EEFSEC: variants seen among roughly 807,000 people sequenced by gnomAD.
EEFSEC encodes the protein eukaryotic elongation factor, selenocysteine-tRNA specific.
Under a neutral mutation model 42.1 loss-of-function variants are expected in EEFSEC, and 43 were observed. That is an observed-to-expected ratio of 1.02 (90% CI 0.80 to 1.32). EEFSEC has a LOEUF of 1.32. Among genes scored for constraint, EEFSEC ranks in the 40% most tolerant of loss-of-function variants. The pLI is 0.00. For missense variants in EEFSEC, 745 were observed against 803.6 expected (o/e 0.93, Z 0.88); for synonymous variants, 354 against 339.1 (o/e 1.04, Z -0.48).
chr3:128,312,963 C>T (rs564876306), intron 4 of EEFSEC, among the ~76,000 whole-genome samples: 11 of 152,236 alleles, frequency 7.2e-5, no homozygotes, highest in African/African-American at 2.4e-4. Flanking sequence ...CTCATACAGC[C>T]CTTGGTTAAA....
intron 2 of EEFSEC, among the ~76,000 whole-genome samples, chr3:128,254,382 C>T (rs996134722): frequency 1.3e-5 from 2 of 152,118 alleles, no homozygotes; most frequent in Non-Finnish European, 2.9e-5. Context: ...TGCAGCAGTT[C>T]CCAGGGCTCC....
intron 4 of EEFSEC, among the ~76,000 whole-genome samples, chr3:128,333,419 G>C (rs1025863144): frequency 7.9e-5 from 12 of 152,186 alleles, no homozygotes; most frequent in Admixed American, 4.6e-4. Flanking sequence ...GTTTCATCTT[G>C]GACTTCTGTG....
At chr3:128,418,661 C>T in the EEFSEC span, among the ~76,000 whole-genome samples, 1 of 151,952 alleles carries the variant, frequency 6.6e-6, no homozygotes, top group African/African-American at 2.4e-5. Context: ...CAGCACCCCC[C>T]AACTTTGCCC....
At chr3:128,203,876 A>C (rs533914136) in intron 1 of EEFSEC, among the ~76,000 whole-genome samples, 1 of 152,362 alleles carries the variant, frequency 6.6e-6, no homozygotes, top group East Asian at 1.9e-4. Context: ...TGGTTTTGGA[A>C]TAAATCAATA....
chr3:128,204,344 T>C (rs6439119), intron 1 of EEFSEC, among the ~76,000 whole-genome samples: 108,406 of 152,162 alleles, frequency 0.71, 38,816 homozygotes, highest in East Asian at 0.89. Flanking sequence ...ACAAAGCCTG[T>C]TGCATAGTCA....
At chr3:128,304,736 C>T (rs1421336934) in intron 4 of EEFSEC, among the ~76,000 whole-genome samples, 1 of 151,332 alleles carries the variant, frequency 6.6e-6, no homozygotes, top group African/African-American at 2.4e-5. Context: ...CAGGGTCTCA[C>T]TCTGTCACCC....
intron 4 of EEFSEC, among the ~76,000 whole-genome samples, chr3:128,327,057 A>C (rs188961919): frequency 3.3e-5 from 5 of 152,272 alleles, no homozygotes; most frequent in African/African-American, 1.2e-4. Context: ...TTGCCTCATC[A>C]CTACACACAG....
At chr3:128,338,346 T>C (rs148294353) in intron 4 of EEFSEC, among the ~76,000 whole-genome samples, 1 of 151,964 alleles carries the variant, frequency 6.6e-6, no homozygotes, top group Non-Finnish European at 1.5e-5. Context: ...TAGGTATGAG[T>C]TATCGATAAT....
intron 1 of EEFSEC, among the ~76,000 whole-genome samples, chr3:128,155,276 G>A (rs1944357829): frequency 6.6e-6 from 1 of 151,918 alleles, no homozygotes; most frequent in South Asian, 2.1e-4. Context: ...CACCACACCT[G>A]GCTAATTTTT....
chr3:128,208,858 A>G (rs1214116991), intron 1 of EEFSEC, among the ~76,000 whole-genome samples: 1 of 152,192 alleles, frequency 6.6e-6, no homozygotes, highest in Admixed American at 6.5e-5. Context: ...CTCCTGCACT[A>G]CTTCTCACTG....
intron 2 of EEFSEC, among the ~76,000 whole-genome samples, chr3:128,259,107 A>G (rs1016901448): frequency 3.9e-5 from 6 of 152,200 alleles, no homozygotes; most frequent in African/African-American, 1.4e-4. Flanking sequence ...GAAGATGGGG[A>G]TTGGAAAGCT....
chr3:128,399,607 A>T (rs1046726124), intron 6 of EEFSEC, among the ~76,000 whole-genome samples: 4 of 152,046 alleles, frequency 2.6e-5, no homozygotes, highest in African/African-American at 4.8e-5. Flanking sequence ...CCAGCCAGCG[A>T]CGTTAAAGGC....
At chr3:128,247,244 CA>C (rs2066137846) in intron 2 of EEFSEC, among the ~76,000 whole-genome samples, 1 of 152,294 alleles carries the variant, frequency 6.6e-6, no homozygotes, top group East Asian at 1.9e-4. Flanking sequence ...CCAAAAACCA[CA>C]GGAGCATAAA....
chr3:128,223,089 C>T (rs2065876468), intron 1 of EEFSEC, among the ~76,000 whole-genome samples: 1 of 152,210 alleles, frequency 6.6e-6, no homozygotes, highest in Non-Finnish European at 1.5e-5. Context: ...GCTAGTAATT[C>T]AATCAGTCAT....
chr3:128,220,344 G>A (rs1460203564), intron 1 of EEFSEC, among the ~76,000 whole-genome samples: 7 of 152,176 alleles, frequency 4.6e-5, no homozygotes, highest in African/African-American at 1.4e-4. Flanking sequence ...TGAGTGCTCC[G>A]TCATGGTGTT....
At chr3:128,278,631 G>GA (rs1370115979) in intron 4 of EEFSEC, among the ~76,000 whole-genome samples, 7 of 152,244 alleles carry the variant, frequency 4.6e-5, no homozygotes, top group Non-Finnish European at 8.8e-5. Context: ...GGCTAGAAAA[G>GA]AAAAGTTAAA....
chr3:128,404,027 C>T (rs1430596636), intron 6 of EEFSEC, among the ~76,000 whole-genome samples: 1 of 152,240 alleles, frequency 6.6e-6, no homozygotes, highest in Non-Finnish European at 1.5e-5. Context: ...AGTGAAAAGG[C>T]ACAGAGGCAG....
intron 1 of EEFSEC, among the ~76,000 whole-genome samples, chr3:128,203,694 A>G (rs765338270): frequency 3.9e-5 from 6 of 152,236 alleles, no homozygotes; most frequent in Admixed American, 1.3e-4. Flanking sequence ...ATCATGCAAC[A>G]TGAGGATATC....
In EEFSEC at chr3:128,238,838, C is replaced by T. The variant is rs1030636010; in HGVS notation, c.317-7998C>T. The stretch of plus-strand genomic sequence containing the variant: ...AGCACCCTGCAGTGTCCCTGCTGGA[C>T]GCTGGGTCAACTCTGTTCCCACTAG... On this transcript the variant is annotated intron_variant, in intron 1 of 6. Coordinates refer to ENST00000254730, the MANE Select transcript of EEFSEC (RefSeq NM_021937.5). Among the ~76,000 whole-genome samples, 8 of 152,222 alleles carry T rather than the reference C, an allele frequency of 5.3e-5. No homozygotes were observed. In the South Asian group the frequency reaches 6.2e-4, roughly 12 times the overall value.
Sources: allele counts gnomAD v4.1 joint callset (sites outside exome capture counted in the v4.1 genomes callset), GRCh38; gene constraint gnomAD v4.1.1; transcripts MANE v1.5; gene names NCBI Gene and HGNC (gene_info 2026-07-23, HGNC 2026-07-21).